The following NBAS variants were observed in gnomAD, a reference collection of about 807,000 sequenced individuals.
NBAS encodes NBAS subunit of NRZ tethering complex, also known as NAG/BC035112 fusion.
Under a neutral mutation model 302.5 loss-of-function variants are expected in NBAS, and 219 were observed. The observed-to-expected ratio is 0.72, with a 90% confidence interval of 0.65 to 0.81. The LOEUF is 0.81. NBAS is among the 30% of genes least tolerant of loss of function. The pLI is 0.00. For synonymous variants in NBAS, 1,118 were observed against 1,021.6 expected, an observed-to-expected ratio of 1.09 and a Z score of -1.80; for missense variants, 2,932 against 2,841.6, an observed-to-expected ratio of 1.03 and a Z score of -0.72.
At position 15,390,557 on chromosome 2, in the gene NBAS, C is replaced by T. The variant is rs949943704; in HGVS notation, c.3257+3670G>A. 3.3e-5 allele frequency among the ~76,000 whole-genome samples: 5 copies of T among 152,164 alleles called. No individual in the cohort carries two copies. In the South Asian group the frequency reaches 8.3e-4, roughly 25 times the overall value. Reference sequence around the variant, plus strand: ...GAGAACTATACGTAATAAAATTGTCCTGTATATGGGATCACGCTAAAAGAG... The same window carrying T: ...GAGAACTATACGTAATAAAATTGTCTTGTATATGGGATCACGCTAAAAGAG... On this transcript the variant is annotated intron_variant, in intron 28 of 51. Transcript: ENST00000281513.
At chr2:15,100,468 G>A in the NBAS span, among the ~76,000 whole-genome samples, 3 of 152,120 alleles carry the variant, frequency 2.0e-5, no homozygotes, top group East Asian at 3.8e-4. Context: ...TATATAACAG[G>A]AAAAGGGAAA....
chr2:15,277,546 A>C (rs1669641838), intron 42 of NBAS, among the ~76,000 whole-genome samples: 1 of 152,344 alleles, frequency 6.6e-6, no homozygotes, highest in East Asian at 1.9e-4. Context: ...AAAAAACCCT[A>C]AACTTTCAGG....
the NBAS span, among the ~76,000 whole-genome samples, chr2:15,016,153 G>T: frequency 1.3e-5 from 2 of 152,088 alleles, no homozygotes; most frequent in African/African-American, 4.8e-5. Context: ...CCATGTAGCT[G>T]GGGAGGCCTC....
chr2:14,995,587 C>A, the NBAS span, among the ~76,000 whole-genome samples: 1 of 152,174 alleles, frequency 6.6e-6, no homozygotes, highest in Non-Finnish European at 1.5e-5. Context: ...CCCACCTCAG[C>A]ATAATCCACC....
chr2:15,198,954 G>A (rs13009196), intron 48 of NBAS, among the ~76,000 whole-genome samples: 10,240 of 151,774 alleles, frequency 0.067, 396 homozygotes, highest in East Asian at 0.14. Context: ...GGGAAACCCC[G>A]TCTCTACTAA....
intron 15 of NBAS, among the ~76,000 whole-genome samples, chr2:15,473,684 G>A (rs1009199016): frequency 6.6e-6 from 1 of 152,200 alleles, no homozygotes; most frequent in East Asian, 1.9e-4. Context: ...TGAACACACA[G>A]TGCTGGTCAC....
At chr2:15,454,312 T>C (rs997691526) in intron 21 of NBAS, among the ~76,000 whole-genome samples, 12 of 152,130 alleles carry the variant, frequency 7.9e-5, no homozygotes, top group Admixed American at 5.9e-4. Flanking sequence ...TATGGAAAAA[T>C]AGAGTTTATT....
rs149997427 is a variant in NBAS at position 15,241,425 on chromosome 2, T to C, written c.5725-2739A>G. Among the ~76,000 whole-genome samples the C allele has an allele frequency of 5.3e-5, 8 of 152,288 alleles. No homozygotes were observed. In the East Asian group the frequency reaches 9.7e-4, roughly 18 times the overall value. ...TCTTAAAGAGGTCCAGATGAGATCA[T>C]TGTTGTCCAAGTCTTGACTCGCCTT... On this transcript the variant is annotated intron_variant, in intron 44 of 51. Coordinates refer to ENST00000281513, the MANE Select transcript of NBAS (RefSeq NM_015909.4).
chr2:14,904,780 T>G, the NBAS span, among the ~76,000 whole-genome samples: 1 of 152,204 alleles, frequency 6.6e-6, no homozygotes, highest in Non-Finnish European at 1.5e-5. Context: ...CCGGGCGCGG[T>G]GGCTCAAGCC....
the NBAS span, among the ~76,000 whole-genome samples, chr2:14,904,692 T>C: frequency 1.3e-5 from 2 of 152,142 alleles, no homozygotes; most frequent in Non-Finnish European, 2.9e-5. Context: ...TACACTGAAC[T>C]GAACACCTGC....
chr2:14,930,903 T>A, the NBAS span, among the ~76,000 whole-genome samples: 1 of 152,188 alleles, frequency 6.6e-6, no homozygotes, highest in Non-Finnish European at 1.5e-5. Context: ...GTATATAATT[T>A]TCTGAGTCTT....
chr2:14,803,881 C>T, the NBAS span, among the ~76,000 whole-genome samples: 1 of 152,126 alleles, frequency 6.6e-6, no homozygotes, highest in Non-Finnish European at 1.5e-5. Context: ...AACTCCTAAC[C>T]TCAGGTGATC....
At chr2:15,427,859 AG>A (rs1178038290) in intron 21 of NBAS, 65 bp from the exon 22 acceptor site, 2 of 1,222,378 alleles carry the variant, frequency 1.6e-6, no homozygotes, top group Non-Finnish European at 1.2e-6. Context: ...CCACACAAGG[AG>A]TAAAATGCAA....
intron 32 of NBAS, 150 bp from the exon 33 acceptor site, chr2:15,356,566 T>A: frequency 1.5e-6 from 1 of 677,432 alleles, no homozygotes; most frequent in Non-Finnish European, 2.7e-6. Flanking sequence ...TGCTTTGACC[T>A]TTCAATCCAC....
the NBAS span, among the ~76,000 whole-genome samples, chr2:14,948,035 T>C: frequency 1.3e-5 from 2 of 151,908 alleles, no homozygotes; most frequent in African/African-American, 2.4e-5. Flanking sequence ...CAAATTTGGT[T>C]TGATGGAATA....
At chr2:15,179,337 C>T (rs147589839) in intron 50 of NBAS, 93 of 585,794 alleles carry the variant, frequency 1.6e-4, no homozygotes, top group African/African-American at 1.5e-3. Flanking sequence ...AGATATTCAT[C>T]GACAATATTG....
At chr2:15,395,323 G>A (rs1188632051) in intron 27 of NBAS, among the ~76,000 whole-genome samples, 1 of 152,102 alleles carries the variant, frequency 6.6e-6, no homozygotes, top group Non-Finnish European at 1.5e-5. Context: ...GATTTGTAGA[G>A]AATGAATTTA....
the NBAS span, among the ~76,000 whole-genome samples, chr2:15,043,748 G>A: frequency 6.6e-6 from 1 of 152,166 alleles, no homozygotes; most frequent in Non-Finnish European, 1.5e-5. Context: ...TAGAAAACCT[G>A]GGTTCTAAGT....
At chr2:15,121,160 A>G in the NBAS span, among the ~76,000 whole-genome samples, 1 of 152,188 alleles carries the variant, frequency 6.6e-6, no homozygotes, top group African/African-American at 2.4e-5. Context: ...AGTTTTCCTC[A>G]TGGGCAATCT....
Sources: gnomAD v4.1 joint callset for allele counts (sites outside exome capture counted in the v4.1 genomes callset) on GRCh38, gnomAD v4.1.1 for gene constraint, MANE v1.5 for transcripts, NCBI Gene and HGNC (gene_info 2026-07-23, HGNC 2026-07-21) for gene names.